Variants in FGGY observed in about 807,000 individuals in gnomAD.
FGGY encodes the protein FGGY carbohydrate kinase domain containing.
A neutral mutation model predicts 71.3 loss-of-function variants in FGGY; 72 were observed. The observed-to-expected ratio is 1.01, with a 90% confidence interval of 0.84 to 1.23. FGGY has a LOEUF of 1.23. Among genes scored for constraint, FGGY ranks in the 50% most tolerant of loss-of-function variants. The pLI is 0.00. For missense variants in FGGY, 668 were observed against 682.3 expected (o/e 0.98, Z 0.23); for synonymous variants, 251 against 250.3 (o/e 1.00, Z -0.02).
intron 14 of FGGY, among the ~76,000 whole-genome samples, chr1:59,753,846 C>T (rs2098268008): frequency 6.6e-6 from 1 of 152,194 alleles, no homozygotes; most frequent in African/African-American, 2.4e-5. Context: ...TAGTTTTTCC[C>T]TGCTCTGGTT....
intron 7 of FGGY, among the ~76,000 whole-genome samples, chr1:59,552,624 C>T (rs2095625927): frequency 6.6e-6 from 1 of 152,138 alleles, no homozygotes; most frequent in Non-Finnish European, 1.5e-5. Flanking sequence ...CCCACCCTGC[C>T]GTTTACCTGG....
chr1:59,298,941 CT>C (rs2042361404), intron 1 of FGGY, among the ~76,000 whole-genome samples: 1 of 152,226 alleles, frequency 6.6e-6, no homozygotes, highest in African/African-American at 2.4e-5. Flanking sequence ...GTGGTAGTCT[CT>C]GGGAAAGTGC....
At chr1:59,673,445 A>T (rs1246884357) in intron 13 of FGGY, among the ~76,000 whole-genome samples, 3 of 152,180 alleles carry the variant, frequency 2.0e-5, no homozygotes, top group Non-Finnish European at 4.4e-5. Flanking sequence ...AGAGGAGGAT[A>T]TCAGAGAGGG....
chr1:59,758,317 C>T (rs1047047477), intron 15 of FGGY, among the ~76,000 whole-genome samples: 2 of 152,160 alleles, frequency 1.3e-5, no homozygotes, highest in African/African-American at 4.8e-5. Flanking sequence ...GTAGAATCTG[C>T]TCATTCTTTT....
At chr1:59,299,608 T>C (rs1468247318) in intron 1 of FGGY, among the ~76,000 whole-genome samples, 5 of 152,054 alleles carry the variant, frequency 3.3e-5, no homozygotes. Context: ...ATATCAAATT[T>C]TCTTTTTTCT....
intron 7 of FGGY, among the ~76,000 whole-genome samples, chr1:59,536,466 C>G (rs2095317577): frequency 6.6e-6 from 1 of 152,218 alleles, no homozygotes; most frequent in Non-Finnish European, 1.5e-5. Context: ...GGTATCCTCC[C>G]TAACTCATTT....
intron 6 of FGGY, among the ~76,000 whole-genome samples, chr1:59,479,321 G>A (rs931672247): frequency 3.3e-5 from 5 of 152,220 alleles, no homozygotes; most frequent in East Asian, 1.9e-4. Context: ...AAGACGGTTG[G>A]AAATAGGTAG....
chr1:59,497,650 A>C (rs547103737), intron 6 of FGGY, among the ~76,000 whole-genome samples: 40 of 152,332 alleles, frequency 2.6e-4, no homozygotes, highest in Admixed American at 2.0e-4. Context: ...GGATTTCAGC[A>C]AGAATTGCCC....
intron 6 of FGGY, among the ~76,000 whole-genome samples, chr1:59,496,270 T>A (rs2094028180): frequency 6.6e-6 from 1 of 152,072 alleles, no homozygotes; most frequent in Admixed American, 6.6e-5. Context: ...AGACATGAAA[T>A]CAACCTAGAT....
Position 59,586,765 on chromosome 1 carries a change from G to T in FGGY, c.904-21038G>T, listed in dbSNP as rs532777912. On this transcript the variant is annotated intron_variant, in intron 8 of 15. Coordinates refer to ENST00000303721, the MANE Select transcript of FGGY (RefSeq NM_018291.5). ...GGGAAGAGTAGATAGACAGAATGAGGTGACACATTGAAGGACTTCTTAGAG... is the reference window on the plus strand; with the variant it reads ...GGGAAGAGTAGATAGACAGAATGAGTTGACACATTGAAGGACTTCTTAGAG... 2.1e-3 allele frequency among the ~76,000 whole-genome samples: 317 copies of T among 152,170 alleles called. 2 individuals carry two copies. Among genetic ancestry groups the T allele is most frequent in the African/African-American group, 7.2e-3 (300 of 41,514 alleles).
chr1:59,702,382 G>T (rs999202958), intron 14 of FGGY, among the ~76,000 whole-genome samples: 15 of 152,100 alleles, frequency 9.9e-5, no homozygotes, highest in Non-Finnish European at 2.9e-5. Context: ...TCAAAAATGT[G>T]CTTGTCAAGT....
intron 11 of FGGY, among the ~76,000 whole-genome samples, chr1:59,648,446 TG>T (rs1558665880): frequency 7.7e-6 from 1 of 129,844 alleles, no homozygotes; most frequent in African/African-American, 3.4e-5. Flanking sequence ...CCATTCTAAC[TG>T]GTGTGAGATG....
chr1:59,385,620 TC>T (rs34316144), intron 5 of FGGY, among the ~76,000 whole-genome samples: 29,317 of 151,960 alleles, frequency 0.19, 3,066 homozygotes, highest in East Asian at 0.36. Context: ...TTTTTAGTAG[TC>T]AGAAAAATAT....
At chr1:59,482,626 GTC>G (rs1439992931) in intron 6 of FGGY, among the ~76,000 whole-genome samples, 13 of 54,952 alleles carry the variant, frequency 2.4e-4, no homozygotes, top group African/African-American at 5.4e-4. Flanking sequence ...GTGTGTGTGT[GTC>G]TGTGTGTATA....
chr1:59,717,060 C>T (rs891026587), intron 14 of FGGY, among the ~76,000 whole-genome samples: 6 of 152,126 alleles, frequency 3.9e-5, no homozygotes, highest in Non-Finnish European at 7.3e-5. Flanking sequence ...ATATGCTCGC[C>T]CTTAACCCTC....
Position 59,456,953 on chromosome 1 carries a change from T to C in FGGY, c.555-8T>C. 6.2e-7 allele frequency: 1 copy of C among 1,605,330 alleles called. No individual in the cohort carries two copies. The highest frequency in any genetic ancestry group is 8.5e-7 in the Non-Finnish European group (1 of 1,172,154). On this transcript the variant is annotated splice_region_variant and splice_polypyrimidine_tract_variant and intron_variant, in intron 5 of 15. Transcript: ENST00000303721. Reference sequence around the variant, plus strand: ...TCAGTTCTATCTATATCTCTTCTATTTTCTTAGGTCTCTCTGCTCCCTGGT... The same window carrying C: ...TCAGTTCTATCTATATCTCTTCTATCTTCTTAGGTCTCTCTGCTCCCTGGT...
intron 14 of FGGY, among the ~76,000 whole-genome samples, chr1:59,733,464 T>TTG (rs1553437760): frequency 6.9e-6 from 1 of 144,638 alleles, no homozygotes; most frequent in African/African-American, 2.9e-5. Flanking sequence ...TTGTTTTGTT[T>TTG]TTTTGTTTTG....
intron 7 of FGGY, among the ~76,000 whole-genome samples, chr1:59,551,350 T>C (rs2095605093): frequency 6.6e-6 from 1 of 152,214 alleles, no homozygotes; most frequent in Non-Finnish European, 1.5e-5. Context: ...AAATATTTCC[T>C]ACACATTTCT....
Position 59,299,725 on chromosome 1 carries a change from A to C in FGGY, c.-15+2575A>C, listed in dbSNP as rs535830677. ...GGGGGGCGGGTCTTATGCCTGACGC[A>C]CGTGGCCCCTGTTGCTGTGTCGTTC... is the stretch of plus-strand genomic sequence containing the variant. On this transcript the variant is annotated intron_variant, in intron 1 of 15. Transcript: ENST00000303721. Among the ~76,000 whole-genome samples, 4 of 152,332 alleles carry C rather than the reference A, an allele frequency of 2.6e-5. No homozygotes were observed. The South Asian group carries it at 8.3e-4, about 32-fold the overall frequency.
Sources: allele counts gnomAD v4.1 joint callset (sites outside exome capture counted in the v4.1 genomes callset), GRCh38; gene constraint gnomAD v4.1.1; transcripts MANE v1.5; gene names NCBI Gene and HGNC (gene_info 2026-07-23, HGNC 2026-07-21).